Variants in NAV2 observed in about 807,000 individuals in gnomAD.
The protein encoded by NAV2 is helicase, APC down-regulated 1.
A neutral mutation model predicts 223.2 loss-of-function variants in NAV2; 54 were observed. That is an observed-to-expected ratio of 0.24 (90% CI 0.19 to 0.30). The LOEUF (loss-of-function observed/expected upper bound fraction) is 0.30. NAV2 is among the 10% of genes least tolerant of loss of function. The probability of loss-of-function intolerance (pLI) is 1.00; values close to 1 mark genes in which losing one functional copy is unlikely to be tolerated. For missense variants in NAV2, 2,806 were observed against 3,147.5 expected (o/e 0.89, Z 2.60); for synonymous variants, 1,279 against 1,239.3 (o/e 1.03, Z -0.67).
At position 19,991,307 on chromosome 11, in the gene NAV2, T is replaced by A. The variant is rs80085579; in HGVS notation, c.2768+7060T>A. On this transcript the variant is annotated intron_variant, in intron 11 of 37. Coordinates refer to ENST00000349880, the MANE Select transcript of NAV2 (RefSeq NM_145117.5). ...CACCCGGCTAATTTTTGCATTTTTG[T>A]AGAGACAGGGTTTCACCATGTTGCC... Among the ~76,000 whole-genome samples the A allele has an allele frequency of 3.9e-5, 6 of 152,068 alleles. No homozygotes were observed. In the East Asian group the frequency reaches 1.2e-3, roughly 29 times the overall value.
At position 19,771,648 on chromosome 11, in the gene NAV2, A is replaced by G. The variant is rs2055730019; in HGVS notation, c.267+57686A>G. Among the ~76,000 whole-genome samples, 3 of 152,156 alleles carry G rather than the reference A, an allele frequency of 2.0e-5. No individual in the cohort carries two copies. In the South Asian group the frequency reaches 6.2e-4, roughly 32 times the overall value. ...TGTCGGGGGAGCCAGGAAGTGACAA[A>G]TTAAACCCTGTCAAGGGAACATACT... On this transcript the variant is annotated intron_variant, in intron 1 of 37. Coordinates refer to ENST00000349880, the MANE Select transcript of NAV2 (RefSeq NM_145117.5).
chr11:20,036,022 T>A lies in NAV2; in HGVS notation c.2832T>A (p.Asp944Glu). The change falls in exon 12 of 38, where the codon GAT (aspartate) becomes GAA (glutamate). Residue 944 changes from aspartate (D) to glutamate (E), a missense_variant. Physicochemically the swap from Asp to Glu is conservative, Grantham distance 45 (BLOSUM62 2). Coordinates refer to ENST00000349880, the MANE Select transcript of NAV2 (RefSeq NM_145117.5). ...ISDTIDNLST[D>E]DINTSSSISS... ...ACACCATAGACAACCTCAGCACTGATGACATCAACACCAGCTCCTCCATCA... is the reference window on the plus strand; with the variant it reads ...ACACCATAGACAACCTCAGCACTGAAGACATCAACACCAGCTCCTCCATCA... The A allele has an allele frequency of 6.2e-7, 1 of 1,613,826 alleles. No homozygotes were observed. The highest frequency in any genetic ancestry group is 8.5e-7 in the Non-Finnish European group (1 of 1,179,700).
intron 1 of NAV2, among the ~76,000 whole-genome samples, chr11:19,363,051 A>G (rs1300372439): frequency 1.3e-5 from 2 of 152,176 alleles, no homozygotes; most frequent in Admixed American, 1.3e-4. Context: ...TTACATAGGT[A>G]TACACGTGCC....
intron 1 of NAV2, among the ~76,000 whole-genome samples, chr11:19,739,423 G>C (rs934760767): frequency 6.6e-6 from 1 of 152,180 alleles, no homozygotes; most frequent in African/African-American, 2.4e-5. Context: ...GGAAATGACA[G>C]AGCAGAGATG....
At chr11:19,624,959 A>G (rs1028257143) in intron 1 of NAV2, among the ~76,000 whole-genome samples, 2 of 152,254 alleles carry the variant, frequency 1.3e-5, no homozygotes, top group Admixed American at 1.3e-4. Context: ...ATAATTGTAC[A>G]TACTCATGAA....
At chr11:20,047,252 T>C (rs1434923370) in intron 14 of NAV2, among the ~76,000 whole-genome samples, 1 of 152,256 alleles carries the variant, frequency 6.6e-6, no homozygotes, top group African/African-American at 2.4e-5. Flanking sequence ...TGTAATGGAA[T>C]GCTTGAAAAT....
At chr11:19,709,692 G>T (rs1974932), upstream of NAV2, among the ~76,000 whole-genome samples, 6 of 151,732 alleles carry the variant, frequency 4.0e-5, no homozygotes, top group Non-Finnish European at 5.9e-5. Context: ...AAAATTAGCC[G>T]GGTGTGGTGG....
intron 4 of NAV2, among the ~76,000 whole-genome samples, chr11:19,879,081 A>C (rs1237789955): frequency 6.6e-6 from 1 of 152,148 alleles, no homozygotes; most frequent in Admixed American, 6.5e-5. Flanking sequence ...GGCCATCTGC[A>C]TCTAGCGTTA....
chr11:20,001,288 A>C (rs1313168887), intron 11 of NAV2, among the ~76,000 whole-genome samples: 1 of 152,090 alleles, frequency 6.6e-6, no homozygotes, highest in Non-Finnish European at 1.5e-5. Flanking sequence ...AGGGCTCCCA[A>C]AGGACCCCGT....
intron 1 of NAV2, among the ~76,000 whole-genome samples, chr11:19,481,854 GGAGGGACAA>G (rs2134003771): frequency 6.6e-6 from 1 of 152,320 alleles, no homozygotes; most frequent in African/African-American, 2.4e-5. Flanking sequence ...ACAAAGGTGG[GGAGGGACAA>G]GATGGAATCT....
In NAV2 at chr11:19,397,961, G is replaced by A. The variant is rs976966052; in HGVS notation, c.75+46934G>A. On this transcript the variant is annotated intron_variant, in intron 1 of 37. Transcript: ENST00000360655. ...GGGAATAGGGATAGTAGCTGGCATT[G>A]CTGTATTCCAGAAGCCTTGATGCCA... Among the ~76,000 whole-genome samples the A allele has an allele frequency of 7.2e-5, 11 of 152,308 alleles. No homozygotes were observed. In the East Asian group the frequency reaches 1.2e-3, roughly 16 times the overall value.
At chr11:19,884,284 T>C (rs917274659) in intron 5 of NAV2, 5 of 1,610,158 alleles carry the variant, frequency 3.1e-6, no homozygotes, top group Admixed American at 3.3e-5. Flanking sequence ...TTTTCTTTCC[T>C]ATCATGCAGT....
chr11:19,925,564 T>G (rs1214693882), intron 6 of NAV2, among the ~76,000 whole-genome samples: 1 of 151,980 alleles, frequency 6.6e-6, no homozygotes, highest in East Asian at 1.9e-4. Context: ...ACCCGGCCAA[T>G]GTGGTGAAAC....
At chr11:19,743,922 C>T (rs1161060053) in intron 1 of NAV2, among the ~76,000 whole-genome samples, 2 of 152,212 alleles carry the variant, frequency 1.3e-5, no homozygotes, top group Non-Finnish European at 2.9e-5. Flanking sequence ...ATGCTAAGCC[C>T]ATCTCACAGG....
intron 1 of NAV2, among the ~76,000 whole-genome samples, chr11:19,692,692 A>G (rs994168081): frequency 1.3e-5 from 2 of 152,182 alleles, no homozygotes; most frequent in African/African-American, 2.4e-5. Context: ...CATACAGGCA[A>G]TTATACTTCA....
At chr11:19,920,663 A>C (rs1484738593) in intron 6 of NAV2, among the ~76,000 whole-genome samples, 1 of 152,210 alleles carries the variant, frequency 6.6e-6, no homozygotes, top group African/African-American at 2.4e-5. Context: ...TATTAGTATT[A>C]GTTTTATTTT....
At chr11:19,663,519 C>T (rs1277623426) in intron 1 of NAV2, among the ~76,000 whole-genome samples, 2 of 152,204 alleles carry the variant, frequency 1.3e-5, no homozygotes, top group Admixed American at 6.5e-5. Context: ...AAAGCTGTTC[C>T]TGTGGTCCCC....
At chr11:19,787,908 T>C (rs917231917) in intron 1 of NAV2, among the ~76,000 whole-genome samples, 1 of 152,178 alleles carries the variant, frequency 6.6e-6, no homozygotes, top group African/African-American at 2.4e-5. Flanking sequence ...GGCTCATGAG[T>C]AGCTAGCTTT....
At chr11:19,974,070 C>A (rs938853974) in intron 10 of NAV2, among the ~76,000 whole-genome samples, 2 of 152,198 alleles carry the variant, frequency 1.3e-5, no homozygotes, top group African/African-American at 4.8e-5. Context: ...TGTCCCCTAA[C>A]ACAGAGGGGG....
Sources: gnomAD v4.1 joint callset for allele counts (sites outside exome capture counted in the v4.1 genomes callset) on GRCh38, gnomAD v4.1.1 for gene constraint, MANE v1.5 for transcripts, NCBI Gene and HGNC (gene_info 2026-07-23, HGNC 2026-07-21) for gene names.